Variants in MCM2 observed in about 807,000 individuals in gnomAD.
MCM2 encodes the protein DNA replication licensing factor MCM2.
Under a neutral mutation model 86.4 loss-of-function variants are expected in MCM2, and 49 were observed. The ratio of observed to expected loss-of-function variants is 0.57; its 90% confidence interval spans 0.45 to 0.72. The LOEUF is 0.72. MCM2 is among the 30% of genes least tolerant of loss of function. The pLI, the probability that MCM2 is intolerant of heterozygous loss-of-function variation, is 0.00. For synonymous variants in MCM2, 475 were observed against 484.6 expected (o/e 0.98, Z 0.26); for missense variants, 1,038 against 1,259.9 (o/e 0.82, Z 2.67).
Position 127,608,967 on chromosome 3 carries a change from G to C in MCM2, c.1372G>C (p.Asp458His). 1 of 1,614,194 alleles carries C rather than the reference G, an allele frequency of 6.2e-7. No individual in the cohort carries two copies. ...DNKVAVGELT[D>H]EDVKMITSLS... is the part of the protein sequence containing the mutation. ...CAAGGTTGCTGTAGGGGAACTGACC[G>C]ATGAAGATGTGAAGATGATCACTAG... is the stretch of plus-strand genomic sequence containing the variant. The change falls in exon 8 of 16, where the codon GAT becomes CAT. Residue 458 changes from aspartate to histidine, a missense_variant. Physicochemically the swap from Asp to His is moderately conservative, Grantham distance 81. Coordinates refer to ENST00000265056, the MANE Select transcript of MCM2 (RefSeq NM_004526.4).
intron 9 of MCM2, among the ~76,000 whole-genome samples, chr3:127,616,642 A>T (rs2074434964): frequency 6.6e-6 from 1 of 152,220 alleles, no homozygotes; most frequent in Admixed American, 6.5e-5. Context: ...CTGATATTTC[A>T]CATTCGCCAA....
rs1008858373 is a variant in MCM2 at position 127,618,917 on chromosome 3, G to A, written c.2014-110G>A. The A allele has an allele frequency of 1.2e-5, 15 of 1,269,714 alleles. No homozygotes were observed. Among genetic ancestry groups the A allele is most frequent in the Non-Finnish European group, 1.5e-5 (14 of 944,128 alleles). The allele number at this position is 1,269,714 out of a possible 1,614,324, so 78.7% of individuals were successfully genotyped here. A position where few individuals can be genotyped will look rare whatever the true frequency, so the allele number is the denominator to read the frequency against. On this transcript the variant is annotated intron_variant, in intron 12 of 15. Transcript: ENST00000265056. The surrounding 1 kb of genome is among the most constrained non-coding windows in gnomAD (Gnocchi z 4.0). Reference sequence around the variant, plus strand: ...GCACATGGTCAGTGTAGTCAGTCTTGTTGAAAGAGTGTCACCCTTGTAGGG... The same window carrying A: ...GCACATGGTCAGTGTAGTCAGTCTTATTGAAAGAGTGTCACCCTTGTAGGG...
In MCM2 at chr3:127,617,030, G is replaced by A. The variant is rs199793381; in HGVS notation, c.1685G>A (p.Arg562Gln). 1.6e-4 allele frequency: 251 copies of A among 1,614,068 alleles called. No individual in the cohort carries two copies. The highest frequency in any genetic ancestry group is 1.8e-4 in the Non-Finnish European group (207 of 1,180,054). The change falls in exon 10 of 16, where the codon CGG (arginine) becomes CAG (glutamine). Residue 562 changes from arginine to glutamine, a missense_variant. By Grantham distance (43) the Arg-to-Gln change is conservative. Transcript: ENST00000265056. The surrounding 1 kb of genome is among the most constrained non-coding windows in gnomAD (Gnocchi z 4.1). ...SAVGLTAYVQ[R>Q]HPVSREWTLE... Reference sequence around the variant, plus strand: ...GTGGGCCTCACGGCGTATGTCCAGCGGCACCCTGTCAGCAGGGAGTGGACC... The same window carrying A: ...GTGGGCCTCACGGCGTATGTCCAGCAGCACCCTGTCAGCAGGGAGTGGACC...
At chr3:127,605,504 G>A (rs1275144225) in intron 4 of MCM2, among the ~76,000 whole-genome samples, 1 of 144,762 alleles carries the variant, frequency 6.9e-6, no homozygotes, top group Non-Finnish European at 1.5e-5. Context: ...GCAATGGCAC[G>A]GTCTCGGCTC....
Position 127,617,976 on chromosome 3 carries a change from C to T in MCM2, c.1908C>T (p.Arg636=). The T allele has an allele frequency of 6.2e-7, 1 of 1,613,616 alleles. No individual in the cohort carries two copies. The highest frequency in any genetic ancestry group is 1.7e-5 in the Admixed American group (1 of 59,990). ...VIAAANPIGG[R]YDPSLTFSEN... is the part of the protein sequence containing the mutation. ...TGCTCCCCTGTGTTTCAGGAGGGCG[C>T]TACGACCCCTCGCTGACTTTCTCTG... Residue 636 remains arginine (R), a synonymous_variant, in exon 12 of 16, where the codon CGC becomes CGT. Transcript: ENST00000265056. The surrounding 1 kb of genome is among the most constrained non-coding windows in gnomAD (Gnocchi z 4.1).
intron 6 of MCM2, 81 bp from the exon 7 acceptor site, chr3:127,608,301 C>A: frequency 6.4e-7 from 1 of 1,552,010 alleles, no homozygotes; most frequent in South Asian, 1.2e-5. Context: ...GGAATCCTGC[C>A]TGTTCTCCCT....
At chr3:127,615,841 C>A in intron 8 of MCM2, 21 bp from the exon 9 acceptor site, 1 of 1,571,398 alleles carries the variant, frequency 6.4e-7, no homozygotes, top group Non-Finnish European at 8.8e-7. Flanking sequence ...CCATTCTTGT[C>A]GGTCTCCCTC....
chr3:127,606,324 C>G lies in MCM2; in HGVS notation c.880C>G (p.Leu294Val). ...CTCCCACCTGCCTCTGGTGGAGGAG[C>G]TGCGCTCGCTGAGGTGAGCTGAGGG... is the stretch of plus-strand genomic sequence containing the variant. ...RISHLPLVEE[L>V]RSLRQLHLNQ... The change falls in exon 5 of 16, where the codon CTG becomes GTG. Residue 294 changes from leucine to valine, a missense_variant. Transcript: ENST00000265056. The surrounding 1 kb of genome is among the most constrained non-coding windows in gnomAD (Gnocchi z 4.2). 2.5e-6 allele frequency: 4 copies of G among 1,614,252 alleles called. No homozygotes were observed. The highest frequency in any genetic ancestry group is 3.4e-6 in the Non-Finnish European group (4 of 1,180,038).
chr3:127,598,418 C>T lies in MCM2; in HGVS notation c.-49C>T, dbSNP rs1276068914. 2.5e-6 allele frequency: 4 copies of T among 1,613,064 alleles called. No individual in the cohort carries two copies. Among genetic ancestry groups the T allele is most frequent in the Non-Finnish European group, 3.4e-6 (4 of 1,179,442 alleles). ...GGTGGGTCACGTGAACCACTTTTCG[C>T]GCGAAACCTGGTTGTTGCTGTAGTG... On this transcript the variant is annotated 5_prime_UTR_variant, in exon 1 of 16. Coordinates refer to ENST00000265056, the MANE Select transcript of MCM2 (RefSeq NM_004526.4).
At chr3:127,602,162 CTTTTTTTT>C (rs201744525) in intron 2 of MCM2, among the ~76,000 whole-genome samples, 2 of 127,948 alleles carry the variant, frequency 1.6e-5, no homozygotes, top group Non-Finnish European at 3.3e-5. Context: ...TCCAGTTTAA[CTTTTTTTT>C]TTTTTTTTTT....
chr3:127,619,011 T>C lies in MCM2; in HGVS notation c.2014-16T>C. ...CACACCCACAATCAGACCCACCCTC[T>C]CATGGCTTATCTTAGGACGAGATGC... On this transcript the variant is annotated splice_polypyrimidine_tract_variant and intron_variant, in intron 12 of 15. Coordinates refer to ENST00000265056, the MANE Select transcript of MCM2 (RefSeq NM_004526.4). The C allele has an allele frequency of 1.3e-6, 2 of 1,569,732 alleles. No homozygotes were observed. The highest frequency in any genetic ancestry group is 1.7e-6 in the Non-Finnish European group (2 of 1,153,932).
At chr3:127,599,678 C>A in intron 2 of MCM2, 131 bp downstream of exon 2, 1 of 798,774 alleles carries the variant, frequency 1.3e-6, no homozygotes, top group Non-Finnish European at 2.0e-6. Flanking sequence ...CAGCTTGATC[C>A]AGGGTTCTGA....
At chr3:127,608,560 G>C in intron 7 of MCM2, 44 bp downstream of exon 7, 1 of 1,610,246 alleles carries the variant, frequency 6.2e-7, no homozygotes, top group Non-Finnish European at 8.5e-7. Context: ...GTTGCAGAGG[G>C]AACTGGCAGA....
chr3:127,617,872 C>A lies in MCM2; in HGVS notation c.1901-97C>A. On this transcript the variant is annotated intron_variant, in intron 11 of 15. Transcript: ENST00000265056. This position sits in a 1 kb window ranked among gnomAD's most constrained non-coding sequence, Gnocchi z 4.1. The stretch of plus-strand genomic sequence containing the variant: ...TACCCACCTATGTCTTCCTCTTCCA[C>A]TGCCCTCATCCCCTTCTGCCATCAG... 1.1e-6 allele frequency: 1 copy of A among 871,068 alleles called. No homozygotes were observed. 54.0% of individuals were successfully genotyped at this position (871,068 alleles called of 1,614,324 possible). A position where few individuals can be genotyped will look rare whatever the true frequency, so the allele number is the denominator to read the frequency against.
intron 2 of MCM2, among the ~76,000 whole-genome samples, chr3:127,603,514 C>T (rs1397647321): frequency 1.3e-5 from 2 of 151,974 alleles, no homozygotes; most frequent in African/African-American, 2.4e-5. Context: ...GAGACAGGGT[C>T]TTACTCTGTC....
In MCM2 at chr3:127,606,910, T is replaced by A; in HGVS notation, c.1101+93T>A. On this transcript the variant is annotated intron_variant, in intron 6 of 15. Transcript: ENST00000265056. This position sits in a 1 kb window ranked among gnomAD's most constrained non-coding sequence, Gnocchi z 4.2. ...CCTCTCAGGCTGTGGAAGACCAGTG[T>A]GGGCAGCCGCAAGAAGCAAGATAGA... 7.9e-7 allele frequency: 1 copy of A among 1,261,390 alleles called. No homozygotes were observed. The highest frequency in any genetic ancestry group is 1.1e-6 in the Non-Finnish European group (1 of 873,786). The allele number at this position is 1,261,390 out of a possible 1,614,324, so 78.1% of individuals were successfully genotyped here.
Position 127,618,033 on chromosome 3 carries a change from A to G in MCM2, c.1965A>G (p.Ser655=). The G allele has an allele frequency of 6.2e-7, 1 of 1,613,686 alleles. No homozygotes were observed. The highest frequency in any genetic ancestry group is 1.1e-5 in the South Asian group (1 of 91,062). Residue 655 remains serine, a synonymous_variant, in exon 12 of 16, where the codon TCA becomes TCG. Coordinates refer to ENST00000265056, the MANE Select transcript of MCM2 (RefSeq NM_004526.4). The surrounding 1 kb of genome is among the most constrained non-coding windows in gnomAD (Gnocchi z 4.0). ...TGGACCTCACAGAGCCCATCATCTC[A>G]CGCTTTGACATCCTGTGTGTGGTGA... ...ENVDLTEPII[S]RFDILCVVRD... is the part of the protein sequence containing the mutation.
rs1427786307 is a variant in MCM2 at position 127,618,840 on chromosome 3, G to GT, written c.2014-186dup. ...CTGTCCCCTTGTGGAGATGAGCCCT[G>GT]TGGGGACTCTGTCCCATTGTCTGGT... On this transcript the variant is annotated intron_variant, in intron 12 of 15. Coordinates refer to ENST00000265056, the MANE Select transcript of MCM2 (RefSeq NM_004526.4). The surrounding 1 kb of genome is among the most constrained non-coding windows in gnomAD (Gnocchi z 4.0). 6.6e-6 allele frequency among the ~76,000 whole-genome samples: 1 copy of GT among 152,174 alleles called. No individual in the cohort carries two copies. Among genetic ancestry groups the GT allele is most frequent in the African/African-American group, 2.4e-5 (1 of 41,442 alleles).
chr3:127,600,347 A>G (rs1045572440), intron 2 of MCM2, among the ~76,000 whole-genome samples: 5 of 152,224 alleles, frequency 3.3e-5, no homozygotes, highest in Non-Finnish European at 7.3e-5. Flanking sequence ...CTCTGCGCAT[A>G]AGCAAGGCTA....
Sources: allele counts gnomAD v4.1 joint callset (sites outside exome capture counted in the v4.1 genomes callset), GRCh38; gene constraint gnomAD v4.1.1; non-coding constraint Gnocchi (gnomAD v3.1); transcripts MANE v1.5; gene names NCBI Gene and HGNC (gene_info 2026-07-23, HGNC 2026-07-21).